Variants in ZSCAN5A observed in about 807,000 individuals in gnomAD.
ZSCAN5A encodes zinc finger and SCAN domain-containing protein 5A.
A neutral mutation model predicts 23.7 loss-of-function variants in ZSCAN5A; 12 were observed. That is an observed-to-expected ratio of 0.51 (90% confidence interval 0.32 to 0.82). ZSCAN5A has a LOEUF of 0.82. Among genes scored for constraint, ZSCAN5A ranks in the 40% least tolerant of loss-of-function variants. The pLI, the probability that ZSCAN5A is intolerant of heterozygous loss-of-function variation, is 0.03. For synonymous variants in ZSCAN5A, 257 were observed against 239.9 expected (o/e 1.07, Z -0.66); for missense variants, 597 against 617.9 (o/e 0.97, Z 0.36).
intron 2 of ZSCAN5A, among the ~76,000 whole-genome samples, chr19:56,358,317 C>T (rs911095262): frequency 6.7e-6 from 1 of 148,238 alleles, no homozygotes; most frequent in Non-Finnish European, 1.5e-5. Flanking sequence ...GGCAGGGTTT[C>T]ACCACGTAGG....
chr19:56,256,692 G>A (rs1421453857), intron 2 of ZSCAN5A, among the ~76,000 whole-genome samples: 2 of 152,194 alleles, frequency 1.3e-5, no homozygotes, highest in Admixed American at 6.5e-5. Flanking sequence ...CATTCTGGCA[G>A]TTAGTGTGGA....
Position 56,350,287 on chromosome 19 carries a change from T to G in ZSCAN5A, c.-358+12948A>C, listed in dbSNP as rs138189860. Among the ~76,000 whole-genome samples the G allele has an allele frequency of 1.6e-3, 248 of 152,282 alleles. 2 individuals carry two copies. In the East Asian group the frequency reaches 0.035, roughly 22 times the overall value. ...TAATATAATACACACTATGAAAAGG[T>G]TATAAAGGAAGAGATTTTATGTACG... On this transcript the variant is annotated intron_variant, in intron 2 of 6. Coordinates refer to the ZSCAN5A transcript ENST00000587340.
At position 56,223,612 on chromosome 19, in the gene ZSCAN5A, C is replaced by G. The variant is rs200577718; in HGVS notation, c.588+19G>C. On this transcript the variant is annotated intron_variant, in intron 4 of 5. Coordinates refer to ENST00000683990, the MANE Select transcript of ZSCAN5A (RefSeq NM_001322064.3). Reference sequence around the variant, plus strand: ...CCTTCTCCCACCTCTGCCCAGACACCAAGGCCTCACACACTCACCTGCCTC... The same window carrying G: ...CCTTCTCCCACCTCTGCCCAGACACGAAGGCCTCACACACTCACCTGCCTC... 1.9e-6 allele frequency: 3 copies of G among 1,612,754 alleles called. No individual in the cohort carries two copies. The highest frequency in any genetic ancestry group is 2.7e-5 in the African/African-American group (2 of 74,954).
intron 2 of ZSCAN5A, among the ~76,000 whole-genome samples, chr19:56,308,645 C>T (rs1471428266): frequency 6.7e-6 from 1 of 149,400 alleles, no homozygotes; most frequent in African/African-American, 2.5e-5. Context: ...TTTCTGATTC[C>T]CCCCAAAACA....
chr19:56,282,519 T>G, intron 2 of ZSCAN5A: 2 of 985,316 alleles, frequency 2.0e-6, no homozygotes, highest in Non-Finnish European at 2.4e-6. Context: ...TCATTCCATC[T>G]CTTTCCCTTT....
chr19:56,362,624 C>G (rs912915000), intron 2 of ZSCAN5A, among the ~76,000 whole-genome samples: 1 of 152,124 alleles, frequency 6.6e-6, no homozygotes, highest in Non-Finnish European at 1.5e-5. Context: ...AATCCTAGCA[C>G]TTTGGGAGGC....
chr19:56,348,358 C>T (rs1421932748), intron 2 of ZSCAN5A, among the ~76,000 whole-genome samples: 1 of 152,152 alleles, frequency 6.6e-6, no homozygotes, highest in Non-Finnish European at 1.5e-5. Flanking sequence ...GCTTGCAAGC[C>T]ATTGTCATGA....
Position 56,324,641 on chromosome 19 carries a change from CAAAAAAAA to C in ZSCAN5A, c.-357-8381_-357-8374del, listed in dbSNP as rs35806754. Among the ~76,000 whole-genome samples the C allele has an allele frequency of 9.4e-3, 772 of 81,804 alleles. 9 individuals carry two copies. Among genetic ancestry groups the C allele is most frequent in the African/African-American group, 0.026 (721 of 27,210 alleles). The allele number at this position is 81,804 out of a possible 152,430, so 53.7% of individuals were successfully genotyped here. On this transcript the variant is annotated intron_variant, in intron 2 of 6. Coordinates refer to the ZSCAN5A transcript ENST00000587340. ...GCATTCCCACTGCTGTGTACATGTTCAAAAAAAAAAAAAAAAAAGGAAGTTAGTAGGTC... is the reference window on the plus strand; with the variant it reads ...GCATTCCCACTGCTGTGTACATGTTCAAAAAAAAAAGGAAGTTAGTAGGTC...
intron 2 of ZSCAN5A, among the ~76,000 whole-genome samples, chr19:56,331,519 G>C (rs1266653194): frequency 7.0e-6 from 1 of 143,286 alleles, no homozygotes; most frequent in African/African-American, 2.6e-5. Flanking sequence ...TCACCTTCTT[G>C]GTTATATATA....
At chr19:56,345,159 A>G (rs553733234) in intron 2 of ZSCAN5A, among the ~76,000 whole-genome samples, 26 of 152,254 alleles carry the variant, frequency 1.7e-4, no homozygotes, top group Non-Finnish European at 3.4e-4. Flanking sequence ...GACATTTCTA[A>G]TATTACTTTA....
intron 2 of ZSCAN5A, among the ~76,000 whole-genome samples, chr19:56,307,168 G>A (rs2147330347): frequency 6.8e-6 from 1 of 148,060 alleles, no homozygotes; most frequent in East Asian, 2.0e-4. Context: ...GGACAGATGG[G>A]AGATTTCTCT....
chr19:56,330,395 T>C (rs2041478663), intron 2 of ZSCAN5A, among the ~76,000 whole-genome samples: 1 of 152,226 alleles, frequency 6.6e-6, no homozygotes, highest in Admixed American at 6.5e-5. Flanking sequence ...TTAAGTTCTT[T>C]GAAAAATCTC....
intron 2 of ZSCAN5A, among the ~76,000 whole-genome samples, chr19:56,226,001 T>A (rs940270874): frequency 1.3e-5 from 2 of 152,150 alleles, no homozygotes; most frequent in African/African-American, 4.8e-5. Context: ...ATAAGATTTT[T>A]AAAAATTAAT....
chr19:56,232,395 T>C (rs1007918608), intron 2 of ZSCAN5A, among the ~76,000 whole-genome samples: 3 of 152,224 alleles, frequency 2.0e-5, no homozygotes, highest in African/African-American at 7.2e-5. Flanking sequence ...TTGGGTGTTA[T>C]CAATGATTTC....
upstream of ZSCAN5A, chr19:56,317,987 C>G (rs1184327117): frequency 6.6e-6 from 1 of 152,164 alleles, no homozygotes; most frequent in African/African-American, 2.4e-5. Context: ...AGGACAAAGC[C>G]TGCATTGTTT....
chr19:56,321,737 C>A (rs1053879624), intron 2 of ZSCAN5A: 3 of 1,355,496 alleles, frequency 2.2e-6, no homozygotes, highest in African/African-American at 2.9e-5. Flanking sequence ...GAGGACATAA[C>A]TGCTTTTCAG....
rs986645337 is a variant in ZSCAN5A, at chr19:56,351,574, C to A, written c.-358+11661G>T. 4.6e-5 allele frequency among the ~76,000 whole-genome samples: 7 copies of A among 152,030 alleles called. No individual in the cohort carries two copies. Among genetic ancestry groups the A allele is most frequent in the Non-Finnish European group, 1.0e-4 (7 of 68,008 alleles). ...TCTGTTCCTTTCCCATGTCTCAGTA[C>A]GGGGGAGCTGTTCTCTTCTTTCTTC... On this transcript the variant is annotated intron_variant, in intron 2 of 6. Coordinates refer to the ZSCAN5A transcript ENST00000587340. This position sits in a 1 kb window ranked among gnomAD's most constrained non-coding sequence, Gnocchi z 4.8.
intron 2 of ZSCAN5A, among the ~76,000 whole-genome samples, chr19:56,349,657 A>G (rs2041655291): frequency 6.7e-6 from 1 of 148,212 alleles, no homozygotes; most frequent in Admixed American, 6.9e-5. Flanking sequence ...GTTAGCCAAG[A>G]TCACACCACT....
chr19:56,248,124 C>T (rs1600090070), intron 2 of ZSCAN5A, among the ~76,000 whole-genome samples: 1 of 151,116 alleles, frequency 6.6e-6, no homozygotes, highest in Non-Finnish European at 1.5e-5. Context: ...AGATTAAATA[C>T]ACAATGCCTG....
Sources: allele counts gnomAD v4.1 joint callset (sites outside exome capture counted in the v4.1 genomes callset), GRCh38; gene constraint gnomAD v4.1.1; non-coding constraint Gnocchi (gnomAD v3.1); transcripts MANE v1.5; gene names NCBI Gene and HGNC (gene_info 2026-07-23, HGNC 2026-07-21).